CCDC85C: variants seen among roughly 807,000 people sequenced by gnomAD.
The protein encoded by CCDC85C is coiled-coil domain containing 85C, also known as coiled-coil domain-containing protein 85C.
A neutral mutation model predicts 38.3 loss-of-function variants in CCDC85C; 18 were observed. The observed-to-expected ratio is 0.47, with a 90% CI of 0.33 to 0.70. The LOEUF (loss-of-function observed/expected upper bound fraction) is 0.70, where lower values mean the gene tolerates loss of function less well. CCDC85C is among the 30% of genes least tolerant of loss of function. The pLI is 0.03. For synonymous variants in CCDC85C, 264 were observed against 293.8 expected (o/e 0.90, Z 1.04); for missense variants, 566 against 621.2 (o/e 0.91, Z 0.94).
chr14:99,572,691 A>G lies in CCDC85C; in HGVS notation c.793+30476T>C, dbSNP rs1167181954. ...TCCTTAAGAGGCCTCCCCTGCCACC[A>G]TCTGTTTTCTGCTCTTCCTAGCACT... On this transcript the variant is annotated intron_variant, in intron 1 of 5. Coordinates refer to ENST00000380243, the MANE Select transcript of CCDC85C (RefSeq NM_001144995.2). This position sits in a 1 kb window ranked among gnomAD's most constrained non-coding sequence, Gnocchi z 4.4. 4.4e-6 allele frequency: 2 copies of G among 455,862 alleles called. No homozygotes were observed. The highest frequency in any genetic ancestry group is 2.4e-5 in the Admixed American group (1 of 42,546). 28.2% of individuals were successfully genotyped at this position (455,862 alleles called of 1,614,324 possible). A position where few individuals can be genotyped will look rare whatever the true frequency, so the allele number is the denominator to read the frequency against.
intron 1 of CCDC85C, among the ~76,000 whole-genome samples, chr14:99,595,958 G>C (rs1045056054): frequency 2.0e-5 from 3 of 152,244 alleles, no homozygotes; most frequent in African/African-American, 7.2e-5. Flanking sequence ...TCTGTGCCAA[G>C]GCTGGGAGTC....
rs34283477 is a variant in CCDC85C, at chr14:99,583,807, TAAAAAAAAAAA to T, written c.793+19349_793+19359del. Among the ~76,000 whole-genome samples the T allele has an allele frequency of 1.4e-4, 16 of 115,150 alleles. No homozygotes were observed. In the South Asian group the frequency reaches 4.0e-3, roughly 29 times the overall value. The allele number at this position is 115,150 out of a possible 152,430, so 75.5% of individuals were successfully genotyped here. On this transcript the variant is annotated intron_variant, in intron 1 of 5. Transcript: ENST00000380243. ...TGGGTGACAAAGCAAGGCTCTGTCT[TAAAAAAAAAAA>T]AAAAAAAAAGCACATATAACTAACA...
chr14:99,595,458 G>A (rs973901544), intron 1 of CCDC85C, among the ~76,000 whole-genome samples: 90 of 152,146 alleles, frequency 5.9e-4, no homozygotes, highest in African/African-American at 2.0e-3. Context: ...TGTTGGCTAG[G>A]CTGGTCTTGA....
intron 1 of CCDC85C, among the ~76,000 whole-genome samples, chr14:99,560,385 C>T (rs889835981): frequency 2.0e-5 from 3 of 152,148 alleles, no homozygotes; most frequent in African/African-American, 7.2e-5. Context: ...TGATACAAAC[C>T]ACACACTCAA....
chr14:99,573,109 G>A, intron 1 of CCDC85C: 1 of 302,340 alleles, frequency 3.3e-6, no homozygotes, highest in Non-Finnish European at 6.6e-6. Context: ...ACCAGGCAGG[G>A]ACTCAGGCGT....
intron 1 of CCDC85C, among the ~76,000 whole-genome samples, chr14:99,598,075 A>AG (rs147901453): frequency 0.022 from 3,338 of 152,298 alleles, 108 homozygotes; most frequent in African/African-American, 0.076. Flanking sequence ...AGAGGGCTAC[A>AG]TGCCCCTCGG....
chr14:99,603,464 C>G lies in CCDC85C; in HGVS notation c.496G>C (p.Gly166Arg). Residue 166 changes from glycine to arginine, a missense_variant, in exon 1 of 6, where the codon GGT (glycine) becomes CGT (arginine). Physicochemically the swap from Gly to Arg is moderately radical, Grantham distance 125. Coordinates refer to ENST00000380243, the MANE Select transcript of CCDC85C (RefSeq NM_001144995.2). This position sits in a 1 kb window ranked among gnomAD's most constrained non-coding sequence, Gnocchi z 7.5. ...AALAATGAASGGGGGGGGAGS... is the reference protein window; with the variant it reads ...AALAATGAASRGGGGGGGAGS... Reference sequence around the variant, plus strand: ...GCGCCGCCCCCGCCGCCGCCGCCACCGCTTGCGGCCCCCGTCGCCGCCAGT... The same window carrying G: ...GCGCCGCCCCCGCCGCCGCCGCCACGGCTTGCGGCCCCCGTCGCCGCCAGT... 1 of 1,284,416 alleles carries G rather than the reference C, an allele frequency of 7.8e-7. No individual in the cohort carries two copies. Among genetic ancestry groups the G allele is most frequent in the Non-Finnish European group, 9.8e-7 (1 of 1,021,706 alleles). 79.6% of individuals were successfully genotyped at this position (1,284,416 alleles called of 1,614,324 possible). A position where few individuals can be genotyped will look rare whatever the true frequency, so the allele number is the denominator to read the frequency against.
At chr14:99,546,163 G>C (rs929150771) in intron 1 of CCDC85C, among the ~76,000 whole-genome samples, 1 of 152,016 alleles carries the variant, frequency 6.6e-6, no homozygotes, top group African/African-American at 2.4e-5. Flanking sequence ...AAGTGTGTGG[G>C]GGCTGCTTTC....
chr14:99,507,336 G>A lies in CCDC85C; in HGVS notation c.*7910C>T. 1 of 583,954 alleles carries A rather than the reference G, an allele frequency of 1.7e-6. No homozygotes were observed. The highest frequency in any genetic ancestry group is 3.1e-6 in the Non-Finnish European group (1 of 324,088). 36.2% of individuals were successfully genotyped at this position (583,954 alleles called of 1,614,324 possible). A position where few individuals can be genotyped will look rare whatever the true frequency, so the allele number is the denominator to read the frequency against. On this transcript the variant is annotated 3_prime_UTR_variant, in exon 6 of 6. Transcript: ENST00000380243. ...TTGTGTTTTTGATCCCAGCACTTTG[G>A]GAGGCGGAGGCAGGAGAATCACCTG...
chr14:99,581,253 G>C (rs921576923), intron 1 of CCDC85C, among the ~76,000 whole-genome samples: 1 of 152,216 alleles, frequency 6.6e-6, no homozygotes, highest in African/African-American at 2.4e-5. Context: ...CAAAGACCTG[G>C]GCAAGGCAGG....
chr14:99,502,184 C>CTTTTTTTTTTTTTTTTTTT lies in CCDC85C; in HGVS notation c.*13061_*13062insAAAAAAAAAAAAAAAAAAA. 6.5e-7 allele frequency: 1 copy of CTTTTTTTTTTTTTTTTTTT among 1,532,404 alleles called. No individual in the cohort carries two copies. The highest frequency in any genetic ancestry group is 2.4e-5 in the East Asian group (1 of 40,922). 94.9% of individuals were successfully genotyped at this position (1,532,404 alleles called of 1,614,324 possible). ...TAAATATTAGATCATATTATCTAAC[C>CTTTTTTTTTTTTTTTTTTT]TTTTTTTTTCTTGTTGAACTAGTCT... On this transcript the variant is annotated 3_prime_UTR_variant, in exon 6 of 6. Transcript: ENST00000380243.
intron 1 of CCDC85C, among the ~76,000 whole-genome samples, chr14:99,602,861 C>A (rs1432560463): frequency 1.3e-5 from 2 of 152,232 alleles, no homozygotes; most frequent in Non-Finnish European, 2.9e-5. Context: ...AGGCGCCCAC[C>A]GCCAGCCCAG....
Position 99,604,200 on chromosome 14 carries a change from A to C in CCDC85C, c.-241T>G, listed in dbSNP as rs1476583666. 2.0e-5 allele frequency among the ~76,000 whole-genome samples: 3 copies of C among 147,914 alleles called. No homozygotes were observed. Among genetic ancestry groups the C allele is most frequent in the Non-Finnish European group, 4.5e-5 (3 of 66,406 alleles). On this transcript the variant is annotated 5_prime_UTR_variant, in exon 1 of 6. Transcript: ENST00000380243. ...GGCGGCCGCGGTGCCGGGCGCTCTCAGGGTTCTGGAGAAGCAGGCGGAGGC... is the reference window on the plus strand; with the variant it reads ...GGCGGCCGCGGTGCCGGGCGCTCTCCGGGTTCTGGAGAAGCAGGCGGAGGC...
intron 2 of CCDC85C, among the ~76,000 whole-genome samples, chr14:99,532,737 A>G (rs1897516347): frequency 6.7e-6 from 1 of 149,064 alleles, no homozygotes; most frequent in Non-Finnish European, 1.5e-5. Context: ...GCCAGCAGGA[A>G]CCCCACCCAT....
At chr14:99,564,428 TCAG>T (rs1248658046) in intron 1 of CCDC85C, among the ~76,000 whole-genome samples, 2 of 152,214 alleles carry the variant, frequency 1.3e-5, no homozygotes, top group Non-Finnish European at 2.9e-5. Flanking sequence ...AGGGTTTTGG[TCAG>T]CAGGAGCACG....
At position 99,510,607 on chromosome 14, in the gene CCDC85C, G is replaced by A. The variant is rs1456922960; in HGVS notation, c.*4639C>T. Reference sequence around the variant, plus strand: ...CCCAACTTCCCACCCCCACCCCCACGCCTCCCGCCTACCCACGCAGTCCCC... The same window carrying A: ...CCCAACTTCCCACCCCCACCCCCACACCTCCCGCCTACCCACGCAGTCCCC... On this transcript the variant is annotated 3_prime_UTR_variant, in exon 6 of 6. Coordinates refer to ENST00000380243, the MANE Select transcript of CCDC85C (RefSeq NM_001144995.2). 3.0e-5 allele frequency: 15 copies of A among 508,324 alleles called. No individual in the cohort carries two copies. Among genetic ancestry groups the A allele is most frequent in the East Asian group, 6.0e-5 (1 of 16,696 alleles). 31.5% of individuals were successfully genotyped at this position (508,324 alleles called of 1,614,324 possible).
At chr14:99,573,451 C>T (rs539959366) in intron 1 of CCDC85C, among the ~76,000 whole-genome samples, 2 of 152,354 alleles carry the variant, frequency 1.3e-5, no homozygotes, top group South Asian at 4.1e-4. Context: ...CTGTCACCCA[C>T]GTGAAGGAAA....
At chr14:99,531,743 G>A (rs2139912937) in intron 2 of CCDC85C, among the ~76,000 whole-genome samples, 1 of 152,160 alleles carries the variant, frequency 6.6e-6, no homozygotes, top group East Asian at 1.9e-4. Context: ...GCAGAGGTGG[G>A]GGTTTCTGTA....
chr14:99,527,543 C>T (rs1024395550), intron 2 of CCDC85C, among the ~76,000 whole-genome samples: 1 of 152,174 alleles, frequency 6.6e-6, no homozygotes, highest in Non-Finnish European at 1.5e-5. Flanking sequence ...GGTCTCGAGG[C>T]TGGGCACAGG....
Sources: gnomAD v4.1 joint callset for allele counts (sites outside exome capture counted in the v4.1 genomes callset) on GRCh38, gnomAD v4.1.1 for gene constraint, Gnocchi (gnomAD v3.1) non-coding constraint, MANE v1.5 for transcripts, NCBI Gene and HGNC (gene_info 2026-07-23, HGNC 2026-07-21) for gene names.